Variants in HBP1 observed in about 807,000 individuals in gnomAD.
HBP1 encodes the protein HMG-box transcription factor 1, also known as HMG box-containing protein 1.
Under a neutral mutation model 62.6 loss-of-function variants are expected in HBP1, and 20 were observed. The ratio of observed to expected loss-of-function variants is 0.32; its 90% CI spans 0.22 to 0.46. The LOEUF (loss-of-function observed/expected upper bound fraction) is 0.46, where lower values mean the gene tolerates loss of function less well. Among genes scored for constraint, HBP1 ranks in the 20% least tolerant of loss-of-function variants. The pLI is 1.00. For synonymous variants in HBP1, 232 were observed against 206.2 expected (o/e 1.12, Z -1.07); for missense variants, 480 against 611.8 (o/e 0.78, Z 2.27).
chr7:107,181,272 G>A (rs1291083669), intron 2 of HBP1, among the ~76,000 whole-genome samples: 2 of 152,076 alleles, frequency 1.3e-5, no homozygotes, highest in Non-Finnish European at 2.9e-5. Context: ...TTCAGGACCA[G>A]CCTGGTCAAC....
chr7:107,200,380 A>T, intron 10 of HBP1, 79 bp downstream of exon 10: 1 of 1,194,240 alleles, frequency 8.4e-7, no homozygotes, highest in South Asian at 1.5e-5. Context: ...CAGTTGTTAC[A>T]ACCTTTAAGA....
chr7:107,174,715 T>G, intron 1 of HBP1: 10 of 984,732 alleles, frequency 1.0e-5, no homozygotes, highest in Non-Finnish European at 1.2e-5. Context: ...GAGATACCTG[T>G]GTAGTGCAGC....
At chr7:107,199,253 T>C (rs573677834) in intron 9 of HBP1, among the ~76,000 whole-genome samples, 11 of 151,990 alleles carry the variant, frequency 7.2e-5, no homozygotes, top group African/African-American at 2.7e-4. Flanking sequence ...ACCTGGCAAA[T>C]AGTAGAGATG....
At position 107,186,643 on chromosome 7, in the gene HBP1, T is replaced by A; in HGVS notation, c.727T>A (p.Cys243Ser). 1 of 1,611,688 alleles carries A rather than the reference T, an allele frequency of 6.2e-7. No homozygotes were observed. Among genetic ancestry groups the A allele is most frequent in the Non-Finnish European group, 8.5e-7 (1 of 1,178,270 alleles). The change falls in exon 6 of 11, where the codon TGT becomes AGT. Residue 243 changes from cysteine to serine, a missense_variant. Physicochemically the swap from Cys to Ser is moderately radical, Grantham distance 112. Transcript: ENST00000222574. ...TGAAGATTTTGCTAGAGCTGAAGGC[T>A]GTGATAATGAGGAAGATCTTCAAAT... ...DVEDFARAEG[C>S]DNEEDLQMGI...
rs1188110215 is a variant in HBP1, at chr7:107,186,254, TAA to T, written c.541-106_541-105del. 6.3e-6 allele frequency: 4 copies of T among 635,634 alleles called. No homozygotes were observed. The Middle Eastern group carries it at 1.3e-3, about 203-fold the overall frequency. 39.4% of individuals were successfully genotyped at this position (635,634 alleles called of 1,614,324 possible). On this transcript the variant is annotated intron_variant, in intron 4 of 10. Coordinates refer to ENST00000222574, the MANE Select transcript of HBP1 (RefSeq NM_012257.4). ...ATATTTTCCCTAAGGTTAGAATTAC[TAA>T]GTTATCCACCTATAAGCATGGGCCT... is the stretch of plus-strand genomic sequence containing the variant.
At chr7:107,181,316 T>C (rs532615899) in intron 2 of HBP1, among the ~76,000 whole-genome samples, 1 of 152,066 alleles carries the variant, frequency 6.6e-6, no homozygotes, top group East Asian at 1.9e-4. Flanking sequence ...AAATTTTCTT[T>C]AAAAATTAGC....
chr7:107,174,852 G>A (rs541367058), intron 1 of HBP1: 1 of 247,418 alleles, frequency 4.0e-6, no homozygotes, highest in African/African-American at 2.3e-5. Context: ...TATCAAAATA[G>A]GTTAAATTAT....
intron 6 of HBP1, 82 bp downstream of exon 6, chr7:107,186,763 C>A: frequency 1.3e-6 from 1 of 786,898 alleles, no homozygotes; most frequent in Non-Finnish European, 2.1e-6. Flanking sequence ...AAATATCCTC[C>A]ATTCACTTTG....
chr7:107,196,378 C>T, intron 9 of HBP1: 1 of 499,506 alleles, frequency 2.0e-6, no homozygotes, highest in South Asian at 1.8e-5. Context: ...AAGTGATTAT[C>T]CTGCCTCAGC....
At chr7:107,183,263 A>T (rs945679638) in intron 3 of HBP1, among the ~76,000 whole-genome samples, 1 of 152,222 alleles carries the variant, frequency 6.6e-6, no homozygotes, top group Non-Finnish European at 1.5e-5. Context: ...AGAAATGCCC[A>T]TATTTGCACA....
chr7:107,186,756 T>C, intron 6 of HBP1, 75 bp downstream of exon 6: 1 of 821,682 alleles, frequency 1.2e-6, no homozygotes, highest in South Asian at 1.6e-5. Context: ...TCTACAGAAA[T>C]ATCCTCCATT....
intron 6 of HBP1, among the ~76,000 whole-genome samples, chr7:107,189,040 ATC>A (rs2115923151): frequency 6.6e-6 from 1 of 152,166 alleles, no homozygotes; most frequent in East Asian, 1.9e-4. Flanking sequence ...ATCCTCCTTA[ATC>A]TCTCTTTTGG....
rs924368224 is a variant in HBP1 at position 107,169,637 on chromosome 7, G to A, written c.-16+452G>A. 1.5e-5 allele frequency: 9 copies of A among 615,332 alleles called. No homozygotes were observed. The East Asian group carries it at 1.1e-3, about 77-fold the overall frequency. The allele number at this position is 615,332 out of a possible 1,614,324, so 38.1% of individuals were successfully genotyped here. A position where few individuals can be genotyped will look rare whatever the true frequency, so the allele number is the denominator to read the frequency against. ...CGGAGGTGGGGGACCCCAGTGAGGC[G>A]CCGCCTCCTTCTGGACTGAGGGGGA... On this transcript the variant is annotated intron_variant, in intron 1 of 10. Transcript: ENST00000222574.
At chr7:107,172,966 A>C (rs1796671074) in intron 1 of HBP1, among the ~76,000 whole-genome samples, 1 of 152,224 alleles carries the variant, frequency 6.6e-6, no homozygotes, top group Non-Finnish European at 1.5e-5. Flanking sequence ...GTTCAGGGCC[A>C]TGAAAGTGGT....
chr7:107,187,869 G>C (rs1797468699), intron 6 of HBP1, among the ~76,000 whole-genome samples: 1 of 152,168 alleles, frequency 6.6e-6, no homozygotes, highest in Non-Finnish European at 1.5e-5. Context: ...GTACTTGACT[G>C]CCCGCAGTGC....
At chr7:107,175,101 A>G (rs1420053241) in intron 1 of HBP1, among the ~76,000 whole-genome samples, 1 of 152,018 alleles carries the variant, frequency 6.6e-6, no homozygotes, top group Non-Finnish European at 1.5e-5. Context: ...TCCTTAAAAT[A>G]TTATAGGTGT....
At chr7:107,195,132 C>T (rs971894888) in intron 8 of HBP1, among the ~76,000 whole-genome samples, 1 of 152,220 alleles carries the variant, frequency 6.6e-6, no homozygotes, top group African/African-American at 2.4e-5. Context: ...AGCGATTCTC[C>T]TGCCTCAGTC....
rs149977658 is a variant in HBP1 at position 107,202,379 on chromosome 7, T to C, written c.*948T>C. 57 of 152,780 alleles carry C rather than the reference T, an allele frequency of 3.7e-4. 1 individual carries two copies. The highest frequency in any genetic ancestry group is 4.4e-5 in the Non-Finnish European group (3 of 68,038). 9.5% of individuals were successfully genotyped at this position (152,780 alleles called of 1,614,324 possible). ...GAGCTACAATCATGGCTTTTCATGT[T>C]ACTTACCAAGTGGTGTTTCTGGTTA... On this transcript the variant is annotated 3_prime_UTR_variant, in exon 11 of 11. Transcript: ENST00000222574.
chr7:107,195,191 T>C (rs1389607462), intron 8 of HBP1, among the ~76,000 whole-genome samples: 3 of 152,182 alleles, frequency 2.0e-5, no homozygotes, highest in East Asian at 1.9e-4. Flanking sequence ...CTAGCTGATT[T>C]TTGTATTTTT....
Sources: allele counts gnomAD v4.1 joint callset (sites outside exome capture counted in the v4.1 genomes callset), GRCh38; gene constraint gnomAD v4.1.1; transcripts MANE v1.5; gene names NCBI Gene and HGNC (gene_info 2026-07-23, HGNC 2026-07-21).